Variants in TLK1 observed in about 807,000 individuals in gnomAD.
TLK1 encodes serine/threonine-protein kinase tousled-like 1.
TLK1 carries 24 observed loss-of-function variants against 105.3 expected under a neutral mutation model. The observed-to-expected ratio is 0.23, with a 90% CI of 0.17 to 0.32. The LOEUF (loss-of-function observed/expected upper bound fraction) is 0.32, where lower values mean the gene tolerates loss of function less well. Among genes scored for constraint, TLK1 ranks in the 10% least tolerant of loss-of-function variants. The pLI is 1.00. For synonymous variants in TLK1, 321 were observed against 310.4 expected (o/e 1.03, Z -0.36); for missense variants, 558 against 910.5 (o/e 0.61, Z 4.98).
intron 3 of TLK1, among the ~76,000 whole-genome samples, chr2:171,070,047 T>C (rs950487179): frequency 6.6e-6 from 1 of 152,182 alleles, no homozygotes; most frequent in Non-Finnish European, 1.5e-5. Context: ...ACAACAGCTA[T>C]TTACTGAGCA....
intron 4 of TLK1, among the ~76,000 whole-genome samples, chr2:171,060,506 T>C (rs939841007): frequency 6.6e-6 from 1 of 152,242 alleles, no homozygotes; most frequent in African/African-American, 2.4e-5. Context: ...TGTAACATTA[T>C]GTATAAAGTC....
intron 2 of TLK1, among the ~76,000 whole-genome samples, chr2:171,083,735 T>C (rs777719095): frequency 3.9e-5 from 6 of 152,184 alleles, no homozygotes; most frequent in Non-Finnish European, 8.8e-5. Context: ...TAATTGAAAT[T>C]AGATTAATTT....
intron 12 of TLK1, chr2:171,022,950 T>C: frequency 2.5e-6 from 1 of 399,684 alleles, no homozygotes; most frequent in Non-Finnish European, 5.1e-6. Context: ...ACTAGTTGCA[T>C]GGTCCACTGT....
At chr2:171,077,683 A>C (rs1289002991) in intron 3 of TLK1, among the ~76,000 whole-genome samples, 1 of 152,228 alleles carries the variant, frequency 6.6e-6, no homozygotes, top group Non-Finnish European at 1.5e-5. Flanking sequence ...TAACTTTTAA[A>C]AAATTGTTAA....
At chr2:171,110,045 ATTTTG>A (rs1162358438) in intron 2 of TLK1, among the ~76,000 whole-genome samples, 3 of 152,198 alleles carry the variant, frequency 2.0e-5, no homozygotes, top group African/African-American at 7.2e-5. Context: ...AGTGTTCTAT[ATTTTG>A]TTTTGTGTGG....
chr2:171,099,019 A>G (rs185555712), intron 2 of TLK1, among the ~76,000 whole-genome samples: 1 of 152,316 alleles, frequency 6.6e-6, no homozygotes, highest in Non-Finnish European at 1.5e-5. Context: ...CTAAGATGAC[A>G]ATATATGTGC....
At chr2:171,191,179 GTTC>G (rs1693140627) in intron 1 of TLK1, among the ~76,000 whole-genome samples, 1 of 151,596 alleles carries the variant, frequency 6.6e-6, no homozygotes, top group Non-Finnish European at 1.5e-5. Context: ...AAAAATTTAT[GTTC>G]TTCTTTTCAA....
intron 1 of TLK1, among the ~76,000 whole-genome samples, chr2:171,184,987 C>T (rs971808370): frequency 1.3e-5 from 2 of 151,972 alleles, no homozygotes; most frequent in Non-Finnish European, 2.9e-5. Flanking sequence ...TACAGGTGCC[C>T]GCCACCATGC....
At chr2:171,017,939 A>C (rs1053828828) in intron 12 of TLK1, among the ~76,000 whole-genome samples, 2 of 152,228 alleles carry the variant, frequency 1.3e-5, no homozygotes, top group Non-Finnish European at 2.9e-5. Flanking sequence ...CTTGGACTTC[A>C]AGCAAACTGA....
chr2:171,089,951 T>C (rs972178576), intron 2 of TLK1, among the ~76,000 whole-genome samples: 2 of 152,218 alleles, frequency 1.3e-5, no homozygotes, highest in Non-Finnish European at 2.9e-5. Context: ...TACATTTTTA[T>C]ATAATTTTGG....
At chr2:171,143,336 C>G (rs1318117884) in intron 1 of TLK1, among the ~76,000 whole-genome samples, 1 of 151,572 alleles carries the variant, frequency 6.6e-6, no homozygotes. Flanking sequence ...GAAACCCCAT[C>G]TCTACTAAAA....
chr2:171,059,817 C>A, intron 4 of TLK1: 1 of 730,926 alleles, frequency 1.4e-6, no homozygotes, highest in Non-Finnish European at 2.5e-6. Context: ...GGATCCCTTG[C>A]ATGTGCAGTT....
intron 1 of TLK1, among the ~76,000 whole-genome samples, chr2:171,149,688 T>C (rs1370283033): frequency 2.6e-5 from 4 of 152,154 alleles, no homozygotes; most frequent in African/African-American, 9.7e-5. Context: ...GGAGGACTGG[T>C]TGAGCCCAGG....
At chr2:171,062,290 A>G (rs768803457) in intron 3 of TLK1, among the ~76,000 whole-genome samples, 1 of 152,242 alleles carries the variant, frequency 6.6e-6, no homozygotes, top group Non-Finnish European at 1.5e-5. Flanking sequence ...GAATCTTACT[A>G]AACAACTTAA....
At position 171,139,770 on chromosome 2, in the gene TLK1, C is replaced by T. The variant is rs1344178558; in HGVS notation, c.139+20520G>A. ...CAGTGGTCCCCAACCTTTTTGGCAC[C>T]AGTGGCCAGTTTCATGGAAGACAAT... On this transcript the variant is annotated intron_variant, in intron 1 of 20. Coordinates refer to ENST00000431350, the MANE Select transcript of TLK1 (RefSeq NM_012290.5). Among the ~76,000 whole-genome samples the T allele has an allele frequency of 3.4e-5, 4 of 118,186 alleles. No individual in the cohort carries two copies. In the East Asian group the frequency reaches 1.1e-3, roughly 33 times the overall value. 77.5% of individuals were successfully genotyped at this position (118,186 alleles called of 152,430 possible).
intron 1 of TLK1, among the ~76,000 whole-genome samples, chr2:171,146,984 G>C (rs1691817868): frequency 6.6e-6 from 1 of 152,174 alleles, no homozygotes; most frequent in Admixed American, 6.5e-5. Flanking sequence ...TTTTGCTTAA[G>C]TTAATTTCTA....
chr2:171,037,861 G>A (rs527527687), intron 11 of TLK1, among the ~76,000 whole-genome samples: 94 of 151,866 alleles, frequency 6.2e-4, no homozygotes, highest in Non-Finnish European at 9.6e-4. Flanking sequence ...AGATTATGTC[G>A]GCCTCAGAAA....
At chr2:171,180,222 A>G (rs865960470) in intron 1 of TLK1, among the ~76,000 whole-genome samples, 2 of 145,610 alleles carry the variant, frequency 1.4e-5, no homozygotes, top group South Asian at 2.2e-4. Context: ...GACTTTGTCT[A>G]AAAAAAAAAA....
intron 2 of TLK1, among the ~76,000 whole-genome samples, chr2:171,094,354 T>C (rs1161568929): frequency 3.3e-5 from 5 of 151,974 alleles, no homozygotes; most frequent in African/African-American, 1.2e-4. Context: ...CTAGGGGATC[T>C]ACTATGAAAA....
Sources: gnomAD v4.1 joint callset for allele counts (sites outside exome capture counted in the v4.1 genomes callset) on GRCh38, gnomAD v4.1.1 for gene constraint, MANE v1.5 for transcripts, NCBI Gene and HGNC (gene_info 2026-07-23, HGNC 2026-07-21) for gene names.